SFXN4: variants seen among roughly 807,000 people sequenced by gnomAD.
The protein encoded by SFXN4 is sideroflexin 4.
Under a neutral mutation model 54.6 loss-of-function variants are expected in SFXN4, and 48 were observed. The ratio of observed to expected loss-of-function variants is 0.88; its 90% confidence interval spans 0.70 to 1.12. SFXN4 has a LOEUF of 1.12. Among genes scored for constraint, SFXN4 ranks in the 50% most tolerant of loss-of-function variants. The pLI, the probability that SFXN4 is intolerant of heterozygous loss-of-function variation, is 0.00. For missense variants in SFXN4, 383 were observed against 409.2 expected (o/e 0.94, Z 0.55); for synonymous variants, 130 against 145.5 (o/e 0.89, Z 0.77).
chr10:119,158,134 T>A, intron 6 of SFXN4, 72 bp from the exon 7 acceptor site: 1 of 1,419,698 alleles, frequency 7.0e-7, no homozygotes, highest in African/African-American at 1.4e-5. Context: ...CAAAGAACTT[T>A]CCAGGGGAGA....
At chr10:119,160,687 T>C (rs553943536) in intron 5 of SFXN4, among the ~76,000 whole-genome samples, 1 of 149,486 alleles carries the variant, frequency 6.7e-6, no homozygotes, top group East Asian at 2.0e-4. Context: ...GCTCCCGGGT[T>C]CAAGTTCAAG....
chr10:119,142,949 G>T (rs937277225), intron 13 of SFXN4, among the ~76,000 whole-genome samples: 1 of 151,736 alleles, frequency 6.6e-6, no homozygotes, highest in Non-Finnish European at 1.5e-5. Flanking sequence ...AGCCAGGATG[G>T]TCTCAATCTC....
chr10:119,146,179 ATTC>A (rs1043941057), intron 13 of SFXN4, 54 bp downstream of exon 13: 1 of 963,420 alleles, frequency 1.0e-6, no homozygotes, highest in African/African-American at 1.6e-5. Context: ...AACTTATTTT[ATTC>A]TTCTAACTGC....
intron 12 of SFXN4, among the ~76,000 whole-genome samples, chr10:119,146,962 C>A (rs1010000867): frequency 3.9e-5 from 6 of 152,138 alleles, no homozygotes; most frequent in Admixed American, 6.6e-5. Flanking sequence ...CCCAGGCATG[C>A]GACCTAACTC....
At chr10:119,156,364 G>C (rs534762559) in intron 10 of SFXN4, among the ~76,000 whole-genome samples, 1 of 152,312 alleles carries the variant, frequency 6.6e-6, no homozygotes, top group Admixed American at 6.5e-5. Context: ...GCAGGCGGAG[G>C]GTTGCAGTGA....
At chr10:119,153,760 G>A (rs1310117135) in intron 11 of SFXN4, among the ~76,000 whole-genome samples, 3 of 152,264 alleles carry the variant, frequency 2.0e-5, no homozygotes, top group Non-Finnish European at 4.4e-5. Flanking sequence ...GCCTGTCTGT[G>A]GCAGTCAGCC....
intron 13 of SFXN4, among the ~76,000 whole-genome samples, chr10:119,144,751 C>T (rs1283204287): frequency 6.6e-6 from 1 of 152,102 alleles, no homozygotes; most frequent in Non-Finnish European, 1.5e-5. Context: ...ACTGGGCTGT[C>T]CAATAGCCAC....
At chr10:119,149,810 G>A (rs141806395) in intron 11 of SFXN4, among the ~76,000 whole-genome samples, 3 of 152,178 alleles carry the variant, frequency 2.0e-5, no homozygotes, top group Non-Finnish European at 4.4e-5. Context: ...CTTGACTTCC[G>A]GAAGGGAAAA....
At chr10:119,165,088 T>C (rs1847714482) in intron 1 of SFXN4, 1 of 393,880 alleles carries the variant, frequency 2.5e-6, no homozygotes. Flanking sequence ...TCACATCATA[T>C]TTCTATTGGA....
chr10:119,152,861 G>A (rs1847126596), intron 11 of SFXN4, among the ~76,000 whole-genome samples: 1 of 152,104 alleles, frequency 6.6e-6, no homozygotes, highest in Admixed American at 6.6e-5. Flanking sequence ...GGCTGGCTAA[G>A]GGAGTCCTCT....
At chr10:119,141,459 A>C in intron 13 of SFXN4, 140 bp from the exon 14 acceptor site, 1 of 321,580 alleles carries the variant, frequency 3.1e-6, no homozygotes, top group Non-Finnish European at 5.3e-6. Flanking sequence ...CAGAAAATGT[A>C]ACCTATTTTT....
intron 12 of SFXN4, among the ~76,000 whole-genome samples, 156 bp from the exon 13 acceptor site, chr10:119,146,509 CT>C (rs1466376193): frequency 6.7e-6 from 1 of 148,256 alleles, no homozygotes; most frequent in Admixed American, 6.9e-5. Flanking sequence ...GTTCTTTTTT[CT>C]TTTTGTTGTA....
Position 119,155,161 on chromosome 10 carries a change from C to A in SFXN4, c.633G>T (p.Met211Ile), listed in dbSNP as rs1022349017. The A allele has an allele frequency of 1.8e-5, 29 of 1,613,510 alleles. No individual in the cohort carries two copies. Among genetic ancestry groups the A allele is most frequent in the Non-Finnish European group, 2.4e-5 (28 of 1,179,494 alleles). ...PVIFLVQASG[M>I]NVYMSRSLES... ...CAAGACTTCGGGACATGTAGACATT[C>A]ATTCCACTGGCTTGCACTGTAGATG... Residue 211 changes from methionine (M) to isoleucine (I), a missense_variant, in exon 11 of 14, where the codon ATG becomes ATT. Met to Ile is a conservative substitution (Grantham distance 10). Transcript: ENST00000355697.
chr10:119,164,116 G>T lies in SFXN4; in HGVS notation c.177+15C>A. On this transcript the variant is annotated intron_variant, in intron 2 of 13. Coordinates refer to ENST00000355697, the MANE Select transcript of SFXN4 (RefSeq NM_213649.2). ...ATAAAATGTGAAATTCATTAGCTCTGAAAACAATACTTACAACTGAAATGA... is the reference window on the plus strand; with the variant it reads ...ATAAAATGTGAAATTCATTAGCTCTTAAAACAATACTTACAACTGAAATGA... 1 of 1,442,732 alleles carries T rather than the reference G, an allele frequency of 6.9e-7. No homozygotes were observed. Among genetic ancestry groups the T allele is most frequent in the Non-Finnish European group, 9.6e-7 (1 of 1,046,930 alleles). The allele number at this position is 1,442,732 out of a possible 1,614,324, so 89.4% of individuals were successfully genotyped here. A position where few individuals can be genotyped will look rare whatever the true frequency, so the allele number is the denominator to read the frequency against.
chr10:119,150,494 T>C (rs1036783920), intron 11 of SFXN4, among the ~76,000 whole-genome samples: 3 of 151,816 alleles, frequency 2.0e-5, no homozygotes, highest in African/African-American at 7.3e-5. Context: ...CTGGGCAACA[T>C]AGCGAGACCC....
rs1847324152 is a variant in SFXN4, at chr10:119,157,592, AT to A, written c.537+75del. 13 of 1,202,158 alleles carry A rather than the reference AT, an allele frequency of 1.1e-5. 1 individual carries two copies. The East Asian group carries it at 3.1e-4, about 28-fold the overall frequency. 74.5% of individuals were successfully genotyped at this position (1,202,158 alleles called of 1,614,324 possible). On this transcript the variant is annotated intron_variant, in intron 9 of 13. Coordinates refer to ENST00000355697, the MANE Select transcript of SFXN4 (RefSeq NM_213649.2). ...CTAAATTGTTTAAATTGGAACATAA[AT>A]TTGTAATTGGAATAAATAAAACTTC...
At chr10:119,149,770 T>G (rs1428833180) in intron 11 of SFXN4, among the ~76,000 whole-genome samples, 2 of 151,842 alleles carry the variant, frequency 1.3e-5, no homozygotes, top group East Asian at 1.9e-4. Flanking sequence ...GAAAATAAAA[T>G]AAAAGTCTCA....
At chr10:119,150,488 G>T (rs1847019444) in intron 11 of SFXN4, among the ~76,000 whole-genome samples, 1 of 152,096 alleles carries the variant, frequency 6.6e-6, no homozygotes, top group Admixed American at 6.6e-5. Context: ...ACCAGCCTGG[G>T]CAACATAGCG....
intron 13 of SFXN4, 37 bp downstream of exon 13, chr10:119,146,199 A>C (rs1372666704): frequency 8.7e-7 from 1 of 1,151,248 alleles, no homozygotes; most frequent in Admixed American, 2.1e-5. Flanking sequence ...CTGCAAAATA[A>C]AAAACTTTGA....
Sources: gnomAD v4.1 joint callset for allele counts (sites outside exome capture counted in the v4.1 genomes callset) on GRCh38, gnomAD v4.1.1 for gene constraint, MANE v1.5 for transcripts, NCBI Gene and HGNC (gene_info 2026-07-23, HGNC 2026-07-21) for gene names.